The following MYO16 variants were observed in gnomAD, a reference collection of about 807,000 sequenced individuals.
MYO16 encodes the protein myosin XVI.
In MYO16, 94 loss-of-function variants were observed where a neutral mutation model predicts 205.3. The ratio of observed to expected loss-of-function variants is 0.46; its 90% CI spans 0.39 to 0.54. The LOEUF is 0.54. Among genes scored for constraint, MYO16 ranks in the 20% least tolerant of loss-of-function variants. The pLI, the probability that MYO16 is intolerant of heterozygous loss-of-function variation, is 0.00. For missense variants in MYO16, 2,315 were observed against 2,387.5 expected (o/e 0.97, Z 0.63); for synonymous variants, 988 against 954.0 (o/e 1.04, Z -0.66).
chr13:108,584,619 C>A, the MYO16 span, among the ~76,000 whole-genome samples: 1 of 152,060 alleles, frequency 6.6e-6, no homozygotes, highest in African/African-American at 2.4e-5. Context: ...TCTGTTTATC[C>A]CCTTCCCTTG....
In MYO16 at chr13:108,762,607, A is replaced by C. The variant is rs533525235; in HGVS notation, c.508-23028A>C. On this transcript the variant is annotated intron_variant, in intron 4 of 34. Transcript: ENST00000457511. ...GTGATGTTGGGCATTTAAAACTGAA[A>C]ATATCTCGAAGGTGGCATCTTCGAC... Among the ~76,000 whole-genome samples the C allele has an allele frequency of 3.1e-4, 47 of 152,252 alleles. No individual in the cohort carries two copies. In the South Asian group the frequency reaches 9.1e-3, roughly 30 times the overall value.
the MYO16 span, among the ~76,000 whole-genome samples, chr13:108,532,432 C>T: frequency 6.6e-6 from 1 of 151,002 alleles, no homozygotes; most frequent in Non-Finnish European, 1.5e-5. Context: ...GAGAAAATAA[C>T]CATCTTCTGC....
At chr13:109,134,699 G>C (rs1217674905) in intron 31 of MYO16, among the ~76,000 whole-genome samples, 1 of 152,198 alleles carries the variant, frequency 6.6e-6, no homozygotes, top group South Asian at 2.1e-4. Flanking sequence ...GAGAGAGAAA[G>C]CAGTAGATGC....
At chr13:108,676,370 C>CGTGTGT (rs1555337817) in intron 2 of MYO16, among the ~76,000 whole-genome samples, 2 of 27,196 alleles carry the variant, frequency 7.4e-5, no homozygotes, top group African/African-American at 1.7e-4. Flanking sequence ...ATTATATGTA[C>CGTGTGT]GCGTGTGTGT....
intron 1 of MYO16, among the ~76,000 whole-genome samples, chr13:108,645,484 T>G (rs1880712160): frequency 6.6e-6 from 1 of 152,160 alleles, no homozygotes; most frequent in Non-Finnish European, 1.5e-5. Context: ...TTCAGAGAAC[T>G]CAAACTTGCC....
chr13:108,706,057 T>A (rs1926528), intron 2 of MYO16, among the ~76,000 whole-genome samples: 114,854 of 151,998 alleles, frequency 0.76, 43,638 homozygotes, highest in East Asian at 0.98. Flanking sequence ...GAAACCATAG[T>A]AAATTGAAAC....
chr13:108,576,164 G>A, the MYO16 span, among the ~76,000 whole-genome samples: 1 of 152,276 alleles, frequency 6.6e-6, no homozygotes, highest in East Asian at 1.9e-4. Context: ...ACATATGAGA[G>A]TGCAAGATAA....
chr13:108,795,455 G>A (rs1263718789), intron 6 of MYO16, among the ~76,000 whole-genome samples: 13 of 152,166 alleles, frequency 8.5e-5, no homozygotes, highest in South Asian at 2.1e-4. Context: ...TGATCCGCCC[G>A]CCTTGGCCTC....
rs767142479 is a variant in MYO16, at chr13:108,844,503, C to T, written c.1248+10C>T. The T allele has an allele frequency of 5.6e-6, 9 of 1,596,890 alleles. No individual in the cohort carries two copies. The highest frequency in any genetic ancestry group is 1.1e-5 in the South Asian group (1 of 88,586). On this transcript the variant is annotated intron_variant, in intron 10 of 34. Coordinates refer to ENST00000457511, the MANE Select transcript of MYO16 (RefSeq NM_001198950.3). ...CACCAAACCCGAGCAGGTAATCATGCTTTCACTGTGTGTCTACCAGTACTT... is the reference window on the plus strand; with the variant it reads ...CACCAAACCCGAGCAGGTAATCATGTTTTCACTGTGTGTCTACCAGTACTT...
chr13:108,570,810 C>A, the MYO16 span, among the ~76,000 whole-genome samples: 1 of 152,172 alleles, frequency 6.6e-6, no homozygotes, highest in Non-Finnish European at 1.5e-5. Flanking sequence ...ATGGTGGTAG[C>A]CAAAAGCCTT....
chr13:108,790,415 T>TAATTC (rs978697641), intron 5 of MYO16, among the ~76,000 whole-genome samples: 3 of 152,316 alleles, frequency 2.0e-5, no homozygotes, highest in Non-Finnish European at 4.4e-5. Flanking sequence ...TTTTGTTTCT[T>TAATTC]AATTCTTATA....
At chr13:108,755,709 G>C (rs1566588967) in intron 4 of MYO16, among the ~76,000 whole-genome samples, 1 of 152,006 alleles carries the variant, frequency 6.6e-6, no homozygotes, top group Non-Finnish European at 1.5e-5. Flanking sequence ...CTTCAAATCT[G>C]CTTTTTTGAT....
chr13:108,779,247 C>A (rs940618033), intron 4 of MYO16, among the ~76,000 whole-genome samples: 18 of 152,308 alleles, frequency 1.2e-4, no homozygotes, highest in Non-Finnish European at 2.1e-4. Flanking sequence ...CCTGGGACCA[C>A]CCCATTCTTG....
At chr13:108,928,178 A>G (rs1175956771) in intron 16 of MYO16, among the ~76,000 whole-genome samples, 2 of 152,192 alleles carry the variant, frequency 1.3e-5, no homozygotes, top group Non-Finnish European at 2.9e-5. Flanking sequence ...AAGCTGGGCC[A>G]CAGGGAGAGA....
chr13:109,168,612 C>G (rs1047674109), intron 33 of MYO16, among the ~76,000 whole-genome samples: 1 of 151,988 alleles, frequency 6.6e-6, no homozygotes, highest in African/African-American at 2.4e-5. Flanking sequence ...TTAATCCCGG[C>G]GACTCGGAAA....
At chr13:108,931,686 CAT>C (rs1401771608) in intron 16 of MYO16, among the ~76,000 whole-genome samples, 1 of 152,284 alleles carries the variant, frequency 6.6e-6, no homozygotes, top group East Asian at 1.9e-4. Flanking sequence ...ATCATTCACA[CAT>C]AATAGGTATG....
intron 21 of MYO16, among the ~76,000 whole-genome samples, chr13:109,004,763 G>T (rs112817590): frequency 6.6e-6 from 1 of 152,142 alleles, no homozygotes; most frequent in Non-Finnish European, 1.5e-5. Context: ...TCAGTTACAA[G>T]AAAGAAAATA....
chr13:109,065,159 A>G (rs1212458138), intron 27 of MYO16, among the ~76,000 whole-genome samples: 1 of 152,090 alleles, frequency 6.6e-6, no homozygotes, highest in Non-Finnish European at 1.5e-5. Flanking sequence ...CTTTTTACCC[A>G]CTGGGTCAAG....
chr13:109,095,610 C>T (rs1039554771), intron 27 of MYO16, among the ~76,000 whole-genome samples: 2 of 152,138 alleles, frequency 1.3e-5, no homozygotes, highest in African/African-American at 4.8e-5. Context: ...AAAAAAGCAT[C>T]AGGTGCATGA....
Sources: gnomAD v4.1 joint callset for allele counts (sites outside exome capture counted in the v4.1 genomes callset) on GRCh38, gnomAD v4.1.1 for gene constraint, MANE v1.5 for transcripts, NCBI Gene and HGNC (gene_info 2026-07-23, HGNC 2026-07-21) for gene names.